LRRC4C: variants seen among roughly 807,000 people sequenced by gnomAD.
The protein encoded by LRRC4C is leucine rich repeat containing 4C.
In LRRC4C, 5 loss-of-function variants were observed where a neutral mutation model predicts 33.6. The ratio of observed to expected loss-of-function variants is 0.15; its 90% CI spans 0.08 to 0.31. The LOEUF (loss-of-function observed/expected upper bound fraction) is 0.31. LRRC4C is among the 10% of genes least tolerant of loss of function. The probability of loss-of-function intolerance (pLI) is 1.00; values close to 1 mark genes in which losing one functional copy is unlikely to be tolerated. For missense variants in LRRC4C, 560 were observed against 796.7 expected, an observed-to-expected ratio of 0.70 and a Z score of 3.58; for synonymous variants, 329 against 302.0, an observed-to-expected ratio of 1.09 and a Z score of -0.93.
intron 1 of LRRC4C, among the ~76,000 whole-genome samples, chr11:41,153,300 T>A (rs1944080985): frequency 6.6e-6 from 1 of 152,158 alleles, no homozygotes. Context: ...TGAATACTTT[T>A]TGAAGGGAAT....
chr11:41,308,730 A>T (rs923741614), intron 1 of LRRC4C, among the ~76,000 whole-genome samples: 1 of 152,214 alleles, frequency 6.6e-6, no homozygotes, highest in African/African-American at 2.4e-5. Context: ...AACCTGAAAA[A>T]AAAAGTTGTT....
chr11:40,213,149 T>A, intron 5 of LRRC4C, among the ~76,000 whole-genome samples: 1 of 152,166 alleles, frequency 6.6e-6, no homozygotes, highest in South Asian at 2.1e-4. Context: ...TGGGCCAATA[T>A]TTTGAAGTGT....
chr11:41,162,909 T>A (rs918234543), intron 1 of LRRC4C, among the ~76,000 whole-genome samples: 1 of 152,180 alleles, frequency 6.6e-6, no homozygotes, highest in Admixed American at 6.5e-5. Flanking sequence ...CTTAGTGATA[T>A]GGTTTGGCAC....
At chr11:40,190,199 G>A (rs867858057) in intron 5 of LRRC4C, among the ~76,000 whole-genome samples, 1 of 152,190 alleles carries the variant, frequency 6.6e-6, no homozygotes, top group East Asian at 1.9e-4. Context: ...ATCTAGAGGC[G>A]AGTGAATTTA....
At chr11:40,631,177 C>A (rs1212850938) in intron 3 of LRRC4C, among the ~76,000 whole-genome samples, 1 of 152,200 alleles carries the variant, frequency 6.6e-6, no homozygotes, top group Non-Finnish European at 1.5e-5. Context: ...GAGCTGGAAT[C>A]TCTTCTGCCT....
chr11:40,608,508 T>C (rs1960870774), intron 3 of LRRC4C, among the ~76,000 whole-genome samples: 1 of 151,890 alleles, frequency 6.6e-6, no homozygotes, highest in East Asian at 1.9e-4. Flanking sequence ...CAGAAAACAA[T>C]TGAGAAAATA....
At chr11:41,178,758 C>CAGT (rs1184895805) in intron 1 of LRRC4C, among the ~76,000 whole-genome samples, 3 of 152,214 alleles carry the variant, frequency 2.0e-5, no homozygotes, top group African/African-American at 2.4e-5. Flanking sequence ...GGCTGAAGTG[C>CAGT]AGTAGCGCAA....
intron 2 of LRRC4C, among the ~76,000 whole-genome samples, chr11:40,772,491 T>C (rs1007053339): frequency 6.6e-6 from 1 of 152,132 alleles, no homozygotes; most frequent in Non-Finnish European, 1.5e-5. Flanking sequence ...CTCAAACAAC[T>C]CAATAGAAAA....
At chr11:41,229,770 G>T (rs1024551138) in intron 1 of LRRC4C, among the ~76,000 whole-genome samples, 1 of 151,932 alleles carries the variant, frequency 6.6e-6, no homozygotes, top group Admixed American at 6.6e-5. Flanking sequence ...CAGCCTTGAG[G>T]GTATTAAAAT....
intron 1 of LRRC4C, among the ~76,000 whole-genome samples, chr11:41,391,816 C>T (rs1451769025): frequency 6.6e-6 from 1 of 151,852 alleles, no homozygotes; most frequent in Non-Finnish European, 1.5e-5. Flanking sequence ...TACATTATCT[C>T]AAATGTGTCT....
chr11:41,064,971 AAACTGG>A (rs1938108517), intron 1 of LRRC4C, among the ~76,000 whole-genome samples: 1 of 152,154 alleles, frequency 6.6e-6, no homozygotes, highest in African/African-American at 2.4e-5. Flanking sequence ...TTCAAGCACA[AAACTGG>A]GTGGCTGTTC....
At chr11:41,281,823 G>T (rs1282113447) in intron 1 of LRRC4C, among the ~76,000 whole-genome samples, 1 of 152,222 alleles carries the variant, frequency 6.6e-6, no homozygotes, top group Admixed American at 6.5e-5. Flanking sequence ...TTTAGTGGAG[G>T]TTGGTTTGTA....
At chr11:40,796,635 C>CTTTTTTTT (rs1188389556) in intron 2 of LRRC4C, among the ~76,000 whole-genome samples, 281 of 104,928 alleles carry the variant, frequency 2.7e-3, no homozygotes, top group African/African-American at 3.4e-3. Flanking sequence ...AAGCAGAACT[C>CTTTTTTTT]TTTTTTTTTT....
At chr11:41,094,066 G>C (rs1435110926) in intron 1 of LRRC4C, among the ~76,000 whole-genome samples, 5 of 150,058 alleles carry the variant, frequency 3.3e-5, no homozygotes, top group Non-Finnish European at 7.4e-5. Flanking sequence ...CGGTGATCAC[G>C]AGATCACACC....
intron 1 of LRRC4C, among the ~76,000 whole-genome samples, chr11:41,108,818 C>T (rs561348440): frequency 6.6e-6 from 1 of 152,092 alleles, no homozygotes; most frequent in South Asian, 2.1e-4. Context: ...AAATTATTAT[C>T]TTGACTGACT....
intron 1 of LRRC4C, among the ~76,000 whole-genome samples, chr11:41,108,135 T>A (rs1361758775): frequency 6.6e-6 from 1 of 152,110 alleles, no homozygotes; most frequent in Non-Finnish European, 1.5e-5. Context: ...GTGATTCTTA[T>A]CAAGTAGAAC....
Position 41,067,875 on chromosome 11 carries a change from GT to G in LRRC4C, c.-495-134153del, listed in dbSNP as rs565503725. 6.5e-3 allele frequency among the ~76,000 whole-genome samples: 996 copies of G among 152,244 alleles called. 13 individuals carry two copies. Among genetic ancestry groups the G allele is most frequent in the African/African-American group, 0.022 (918 of 41,562 alleles). On this transcript the variant is annotated intron_variant, in intron 1 of 6. Transcript: ENST00000528697. ...AAACCAATGAGAACAGAGAGACAAC[GT>G]ACTAGAATCTCTGGCACACAGCTAA...
Position 40,566,988 on chromosome 11 carries a change from T to C in LRRC4C, c.-270+81154A>G, listed in dbSNP as rs1957792268. Among the ~76,000 whole-genome samples, 4 of 152,132 alleles carry C rather than the reference T, an allele frequency of 2.6e-5. No individual in the cohort carries two copies. The South Asian group carries it at 6.2e-4, about 24-fold the overall frequency. On this transcript the variant is annotated intron_variant, in intron 3 of 6. Coordinates refer to ENST00000528697, the MANE Select transcript of LRRC4C (RefSeq NM_001258419.2). ...TCATCTGTTTGCTTAGTACTTATTATAGTTCTTTAGATTTTGTATAATAAA... is the reference window on the plus strand; with the variant it reads ...TCATCTGTTTGCTTAGTACTTATTACAGTTCTTTAGATTTTGTATAATAAA...
At chr11:40,994,497 G>C (rs972437744) in intron 1 of LRRC4C, among the ~76,000 whole-genome samples, 1 of 151,992 alleles carries the variant, frequency 6.6e-6, no homozygotes, top group Non-Finnish European at 1.5e-5. Flanking sequence ...AGAATTTCTG[G>C]CTTGGAGGTT....
Sources: gnomAD v4.1 joint callset for allele counts (sites outside exome capture counted in the v4.1 genomes callset) on GRCh38, gnomAD v4.1.1 for gene constraint, MANE v1.5 for transcripts, NCBI Gene and HGNC (gene_info 2026-07-23, HGNC 2026-07-21) for gene names.